LRP1B: variants seen among roughly 807,000 people sequenced by gnomAD.
The protein encoded by LRP1B is low-density lipoprotein receptor-related protein 1B.
In LRP1B, 217 loss-of-function variants were observed where a neutral mutation model predicts 556.6. The observed-to-expected ratio is 0.39, with a 90% confidence interval of 0.35 to 0.44. The LOEUF (loss-of-function observed/expected upper bound fraction) is 0.44, where lower values mean the gene tolerates loss of function less well. LRP1B is among the 20% of genes least tolerant of loss of function. LRP1B has a pLI of 1.00. For synonymous variants in LRP1B, 2,047 were observed against 1,865.8 expected (o/e 1.10, Z -2.50); for missense variants, 5,053 against 5,620.8 (o/e 0.90, Z 3.23).
intron 11 of LRP1B, 108 bp from the exon 12 acceptor site, chr2:141,020,210 A>C: frequency 1.7e-6 from 1 of 601,440 alleles, no homozygotes; most frequent in East Asian, 3.1e-5. Flanking sequence ...AAAGGAAAGA[A>C]CTCTGATCCA....
intron 86 of LRP1B, among the ~76,000 whole-genome samples, chr2:140,266,890 G>T (rs914468296): frequency 6.6e-6 from 1 of 151,884 alleles, no homozygotes; most frequent in African/African-American, 2.4e-5. Context: ...TTCCTAAAAT[G>T]AATTTTAAGT....
intron 41 of LRP1B, among the ~76,000 whole-genome samples, chr2:140,674,578 CCT>C (rs1685604707): frequency 6.6e-6 from 1 of 152,180 alleles, no homozygotes; most frequent in African/African-American, 2.4e-5. Context: ...CTAGGACTCC[CCT>C]GTTTGAGTTG....
intron 41 of LRP1B, among the ~76,000 whole-genome samples, chr2:140,664,375 GAAGAA>G (rs1685198160): frequency 6.6e-6 from 1 of 151,902 alleles, no homozygotes; most frequent in Non-Finnish European, 1.5e-5. Context: ...TATCTATCTT[GAAGAA>G]AAGAGTCATA....
At chr2:140,438,820 G>T (rs774806559) in intron 66 of LRP1B, among the ~76,000 whole-genome samples, 1 of 152,140 alleles carries the variant, frequency 6.6e-6, no homozygotes, top group African/African-American at 2.4e-5. Context: ...TTAGATGAAA[G>T]GATGCAGGAA....
chr2:141,838,591 G>C (rs1176706730), intron 1 of LRP1B, among the ~76,000 whole-genome samples: 1 of 152,098 alleles, frequency 6.6e-6, no homozygotes, highest in Non-Finnish European at 1.5e-5. Context: ...TATGATCCTT[G>C]TATAGAGGAC....
intron 1 of LRP1B, among the ~76,000 whole-genome samples, chr2:141,823,224 C>T (rs1445998516): frequency 6.6e-6 from 1 of 151,802 alleles, no homozygotes; most frequent in Non-Finnish European, 1.5e-5. Context: ...GGTTTCCTTT[C>T]TACTAAAAAG....
chr2:140,437,026 A>G lies in LRP1B; in HGVS notation c.10414+5478T>C, dbSNP rs144627943. Reference sequence around the variant, plus strand: ...CAGGACCTGGGAGGTTTACAGGATCATGTGCTTCTGTAAGGATCTTGGCTC... The same window carrying G: ...CAGGACCTGGGAGGTTTACAGGATCGTGTGCTTCTGTAAGGATCTTGGCTC... On this transcript the variant is annotated intron_variant, in intron 66 of 90. Transcript: ENST00000389484. Among the ~76,000 whole-genome samples, 444 of 152,270 alleles carry G rather than the reference A, an allele frequency of 2.9e-3. 2 individuals are homozygous for G. Among genetic ancestry groups the G allele is most frequent in the African/African-American group, 0.01 (416 of 41,560 alleles).
chr2:141,722,000 C>T (rs1692833647), intron 2 of LRP1B, among the ~76,000 whole-genome samples: 1 of 152,174 alleles, frequency 6.6e-6, no homozygotes, highest in Admixed American at 6.5e-5. Flanking sequence ...CTCCTCTAAT[C>T]TTTAGGTAAA....
chr2:141,332,751 T>G (rs1369534759), intron 3 of LRP1B, among the ~76,000 whole-genome samples: 1 of 150,404 alleles, frequency 6.6e-6, no homozygotes, highest in Non-Finnish European at 1.5e-5. Flanking sequence ...AAGGAAACTG[T>G]TACAGTTACT....
chr2:140,510,984 A>T (rs1181389925), intron 51 of LRP1B, among the ~76,000 whole-genome samples: 3 of 151,734 alleles, frequency 2.0e-5, no homozygotes, highest in Non-Finnish European at 4.4e-5. Context: ...AATCAGTAAC[A>T]TGACCCTAAA....
chr2:141,436,435 G>A (rs149843230), intron 3 of LRP1B, among the ~76,000 whole-genome samples: 1 of 152,132 alleles, frequency 6.6e-6, no homozygotes, highest in Non-Finnish European at 1.5e-5. Flanking sequence ...TGGGAGAGAT[G>A]TTGATCAAAG....
At chr2:140,953,945 T>C (rs1695796124) in intron 18 of LRP1B, among the ~76,000 whole-genome samples, 1 of 152,198 alleles carries the variant, frequency 6.6e-6, no homozygotes, top group Admixed American at 6.6e-5. Flanking sequence ...TCCATGAATG[T>C]ACCTAAACCG....
chr2:140,495,499 G>A lies in LRP1B; in HGVS notation c.9034+66C>T, dbSNP rs1400941246. 3.4e-5 allele frequency: 48 copies of A among 1,397,552 alleles called. 1 individual carries two copies. In the Admixed American group the frequency reaches 7.1e-4, roughly 21 times the overall value. The allele number at this position is 1,397,552 out of a possible 1,614,324, so 86.6% of individuals were successfully genotyped here. On this transcript the variant is annotated intron_variant, in intron 56 of 90. Transcript: ENST00000389484. ...AAGGAGGAGTGAATTCAATAAGAACGGCTATAAAATTCAGGATCCATATGT... is the reference window on the plus strand; with the variant it reads ...AAGGAGGAGTGAATTCAATAAGAACAGCTATAAAATTCAGGATCCATATGT...
At chr2:142,040,471 A>T (rs1704024967) in intron 1 of LRP1B, among the ~76,000 whole-genome samples, 1 of 151,378 alleles carries the variant, frequency 6.6e-6, no homozygotes, top group African/African-American at 2.4e-5. Flanking sequence ...TTTCCTCATC[A>T]GTTTTAATTC....
intron 2 of LRP1B, among the ~76,000 whole-genome samples, chr2:141,649,639 A>G (rs962362766): frequency 2.6e-5 from 4 of 152,206 alleles, no homozygotes; most frequent in Admixed American, 2.6e-4. Flanking sequence ...AGGCGTAAAC[A>G]TGCCTATGTA....
chr2:140,518,399 G>C (rs1295692379), intron 49 of LRP1B, among the ~76,000 whole-genome samples: 1 of 151,968 alleles, frequency 6.6e-6, no homozygotes, highest in African/African-American at 2.4e-5. Context: ...TAAAAGTTGT[G>C]ATTCTCTATT....
intron 1 of LRP1B, among the ~76,000 whole-genome samples, chr2:141,919,969 A>T (rs1700139730): frequency 6.6e-6 from 1 of 151,958 alleles, no homozygotes; most frequent in African/African-American, 2.4e-5. Context: ...AATCTCACTA[A>T]TCTCTAACTG....
chr2:140,546,202 C>G (rs1273625662), intron 43 of LRP1B, among the ~76,000 whole-genome samples: 2 of 152,018 alleles, frequency 1.3e-5, no homozygotes, highest in Non-Finnish European at 2.9e-5. Flanking sequence ...ATGGTGTTCT[C>G]TAGATATAGA....
intron 2 of LRP1B, among the ~76,000 whole-genome samples, chr2:141,510,663 C>T (rs1299021515): frequency 6.6e-6 from 1 of 152,100 alleles, no homozygotes; most frequent in Non-Finnish European, 1.5e-5. Context: ...TCACTGAATA[C>T]AGCACTCTCT....
Sources: allele counts gnomAD v4.1 joint callset (sites outside exome capture counted in the v4.1 genomes callset), GRCh38; gene constraint gnomAD v4.1.1; transcripts MANE v1.5; gene names NCBI Gene and HGNC (gene_info 2026-07-23, HGNC 2026-07-21).